Variants in CHST11 observed in about 807,000 individuals in gnomAD.
The protein encoded by CHST11 is carbohydrate sulfotransferase 11, also known as C4S-1.
A neutral mutation model predicts 30.4 loss-of-function variants in CHST11; 9 were observed. The observed-to-expected ratio is 0.30, with a 90% confidence interval of 0.18 to 0.52. The LOEUF is 0.52. CHST11 is among the 20% of genes least tolerant of loss of function. The pLI is 0.97. For synonymous variants in CHST11, 152 were observed against 187.8 expected, an observed-to-expected ratio of 0.81 and a Z score of 1.56; for missense variants, 348 against 460.6, an observed-to-expected ratio of 0.76 and a Z score of 2.24.
intron 2 of CHST11, among the ~76,000 whole-genome samples, chr12:104,733,318 A>T (rs907385583): frequency 1.3e-5 from 2 of 152,234 alleles, no homozygotes; most frequent in African/African-American, 4.8e-5. Flanking sequence ...TCCCCATGGC[A>T]TGGAAGAAAG....
rs147108372 is a variant in CHST11 at position 104,551,637 on chromosome 12, C to A, written c.119-50269C>A. On this transcript the variant is annotated intron_variant, in intron 1 of 2. Transcript: ENST00000303694. ...GATTTACATATTTTGCTAATTACAG[C>A]TGTCAGATTCCTCGAAGTGATTTAA... Among the ~76,000 whole-genome samples, 824 of 152,262 alleles carry A rather than the reference C, an allele frequency of 5.4e-3. 10 individuals carry two copies. Among genetic ancestry groups the A allele is most frequent in the African/African-American group, 0.019 (779 of 41,544 alleles).
intron 2 of CHST11, among the ~76,000 whole-genome samples, chr12:104,665,538 A>G (rs1409215917): frequency 6.6e-6 from 1 of 152,114 alleles, no homozygotes; most frequent in Admixed American, 6.5e-5. Flanking sequence ...TGGGATCATA[A>G]TGACTACTCA....
intron 2 of CHST11, among the ~76,000 whole-genome samples, chr12:104,615,494 C>A (rs1387688193): frequency 6.6e-6 from 1 of 152,234 alleles, no homozygotes; most frequent in African/African-American, 2.4e-5. Flanking sequence ...TGAGGCCACA[C>A]AGCCTAGAAG....
chr12:104,683,235 T>A (rs1345004855), intron 2 of CHST11, among the ~76,000 whole-genome samples: 1 of 152,030 alleles, frequency 6.6e-6, no homozygotes, highest in African/African-American at 2.4e-5. Flanking sequence ...CAGACAAAAC[T>A]AAGGCAGAGG....
intron 1 of CHST11, among the ~76,000 whole-genome samples, chr12:104,566,733 T>G (rs2038571034): frequency 6.6e-6 from 1 of 152,170 alleles, no homozygotes; most frequent in Admixed American, 6.5e-5. Flanking sequence ...TACCCTCTGT[T>G]CGGGAAATTA....
In CHST11 at chr12:104,633,581, A is replaced by AT. The variant is rs796988128; in HGVS notation, c.204+31597dup. Among the ~76,000 whole-genome samples, 76 of 151,190 alleles carry AT rather than the reference A, an allele frequency of 5.0e-4. 1 individual carries two copies. The highest frequency in any genetic ancestry group is 1.7e-3 in the African/African-American group (69 of 41,154). On this transcript the variant is annotated intron_variant, in intron 2 of 2. Transcript: ENST00000303694. The stretch of plus-strand genomic sequence containing the variant: ...AGGTGCCCGCCACCACACTCGGCTC[A>AT]TTTTTTTGTATTTTTAGTAGAGACA...
chr12:104,580,438 T>C (rs988121513), intron 1 of CHST11, among the ~76,000 whole-genome samples: 1 of 152,236 alleles, frequency 6.6e-6, no homozygotes, highest in Non-Finnish European at 1.5e-5. Context: ...TGGGATGTAA[T>C]TTATTTCAGT....
chr12:104,457,685 C>G (rs35676334), intron 1 of CHST11, among the ~76,000 whole-genome samples, 156 bp downstream of exon 1: 7,915 of 152,276 alleles, frequency 0.052, 323 homozygotes, highest in East Asian at 0.2. Context: ...CCAGATCTAC[C>G]CGGGTCACCG....
intron 2 of CHST11, among the ~76,000 whole-genome samples, chr12:104,658,892 A>G (rs1359298018): frequency 6.6e-6 from 1 of 152,244 alleles, no homozygotes; most frequent in Non-Finnish European, 1.5e-5. Context: ...AGGCACAGAG[A>G]GATTTAGTAA....
At chr12:104,650,877 G>C (rs1238574399) in intron 2 of CHST11, among the ~76,000 whole-genome samples, 1 of 152,202 alleles carries the variant, frequency 6.6e-6, no homozygotes, top group East Asian at 1.9e-4. Flanking sequence ...TGGGGACGTG[G>C]GAGCCAGAGG....
At chr12:104,507,802 A>G (rs905377153) in intron 1 of CHST11, among the ~76,000 whole-genome samples, 2 of 152,056 alleles carry the variant, frequency 1.3e-5, no homozygotes, top group Non-Finnish European at 2.9e-5. Flanking sequence ...CCAGTGAGCC[A>G]CTCATGTAAC....
intron 1 of CHST11, among the ~76,000 whole-genome samples, chr12:104,474,188 A>G (rs188163364): frequency 2.0e-5 from 3 of 152,340 alleles, no homozygotes; most frequent in Admixed American, 2.0e-4. Context: ...TTATTTTGCA[A>G]TTGGAAGAAT....
intron 2 of CHST11, among the ~76,000 whole-genome samples, chr12:104,611,873 G>A (rs1240106517): frequency 1.3e-5 from 2 of 152,148 alleles, no homozygotes; most frequent in Non-Finnish European, 1.5e-5. Flanking sequence ...ACTAGTGTGC[G>A]ACAGGTGTGA....
rs150517732 is a variant in CHST11 at position 104,720,653 on chromosome 12, G to A, written c.205-36296G>A. Among the ~76,000 whole-genome samples, 716 of 152,176 alleles carry A rather than the reference G, an allele frequency of 4.7e-3. 3 individuals are homozygous for A. The highest frequency in any genetic ancestry group is 7.6e-3 in the Non-Finnish European group (518 of 68,020). On this transcript the variant is annotated intron_variant, in intron 2 of 2. Coordinates refer to ENST00000303694, the MANE Select transcript of CHST11 (RefSeq NM_018413.6). ...CAGCCAAGACAAAAAACCCACAGAC[G>A]TTTGGCCTTTGAGGCAGAGGAACAC...
intron 1 of CHST11, among the ~76,000 whole-genome samples, chr12:104,464,461 C>T (rs1052055501): frequency 1.3e-5 from 2 of 152,060 alleles, no homozygotes; most frequent in African/African-American, 4.8e-5. Flanking sequence ...CACCTGCTCC[C>T]CCTTGACCCC....
At chr12:104,506,742 C>T (rs1043091796) in intron 1 of CHST11, among the ~76,000 whole-genome samples, 1 of 152,230 alleles carries the variant, frequency 6.6e-6, no homozygotes, top group African/African-American at 2.4e-5. Flanking sequence ...GACACAGTAA[C>T]TCTTGAGAGT....
intron 2 of CHST11, among the ~76,000 whole-genome samples, chr12:104,695,052 G>A (rs1276592055): frequency 6.6e-6 from 1 of 152,140 alleles, no homozygotes; most frequent in Admixed American, 6.5e-5. Context: ...GGGGATGCTG[G>A]GGGGTTCTCC....
chr12:104,476,880 G>C (rs1354215088), intron 1 of CHST11, among the ~76,000 whole-genome samples: 1 of 151,314 alleles, frequency 6.6e-6, no homozygotes, highest in African/African-American at 2.4e-5. Context: ...GCCACAAACT[G>C]TGTCCCCAGT....
intron 1 of CHST11, among the ~76,000 whole-genome samples, chr12:104,480,734 G>A (rs1223151770): frequency 6.6e-6 from 1 of 152,178 alleles, no homozygotes; most frequent in East Asian, 1.9e-4. Flanking sequence ...GCTGCCATGA[G>A]CCAAGGAATG....
Sources: gnomAD v4.1 joint callset for allele counts (sites outside exome capture counted in the v4.1 genomes callset) on GRCh38, gnomAD v4.1.1 for gene constraint, MANE v1.5 for transcripts, NCBI Gene and HGNC (gene_info 2026-07-23, HGNC 2026-07-21) for gene names.